Variants in SCFD2 observed in about 807,000 individuals in gnomAD.
The protein encoded by SCFD2 is sec1 family domain containing 2, also known as sec1 family domain-containing protein 2.
SCFD2 carries 54 observed loss-of-function variants against 58.9 expected under a neutral mutation model. The ratio of observed to expected loss-of-function variants is 0.92; its 90% confidence interval spans 0.74 to 1.15. The LOEUF (loss-of-function observed/expected upper bound fraction) is 1.15. Among genes scored for constraint, SCFD2 ranks in the 50% most tolerant of loss-of-function variants. The pLI is 0.00. For missense variants in SCFD2, 805 were observed against 836.6 expected, an observed-to-expected ratio of 0.96 and a Z score of 0.47; for synonymous variants, 321 against 335.9, an observed-to-expected ratio of 0.96 and a Z score of 0.49.
chr4:53,096,165 C>T (rs546510201), intron 5 of SCFD2, among the ~76,000 whole-genome samples: 3 of 152,230 alleles, frequency 2.0e-5, no homozygotes, highest in South Asian at 2.1e-4. Context: ...GTGAACAGTG[C>T]CTCAAAAAAC....
Position 53,219,664 on chromosome 4 carries a change from C to G in SCFD2, c.1311+54162G>C, listed in dbSNP as rs1215339034. Among the ~76,000 whole-genome samples the G allele has an allele frequency of 2.0e-5, 3 of 152,196 alleles. No individual in the cohort carries two copies. In the East Asian group the frequency reaches 5.8e-4, roughly 29 times the overall value. Reference sequence around the variant, plus strand: ...TGTCCTGCCCCCACTGTCGGACAAGCCCCAGTGAGATGAACCTAGTACCTC... The same window carrying G: ...TGTCCTGCCCCCACTGTCGGACAAGGCCCAGTGAGATGAACCTAGTACCTC... On this transcript the variant is annotated intron_variant, in intron 4 of 8. Coordinates refer to ENST00000401642, the MANE Select transcript of SCFD2 (RefSeq NM_152540.4).
chr4:53,229,408 G>C (rs1219062828), intron 4 of SCFD2, among the ~76,000 whole-genome samples: 2 of 152,202 alleles, frequency 1.3e-5, no homozygotes, highest in Admixed American at 6.5e-5. Flanking sequence ...GCATGGTACT[G>C]TTACCAAAAC....
At chr4:53,207,508 ATATAT>A (rs1728449947) in intron 4 of SCFD2, among the ~76,000 whole-genome samples, 1 of 12,120 alleles carries the variant, frequency 8.3e-5, no homozygotes, top group Non-Finnish European at 1.3e-4. Flanking sequence ...TATATATATT[ATATAT>A]ATTATATATA....
intron 5 of SCFD2, among the ~76,000 whole-genome samples, chr4:53,139,403 CTGCCGGCCGTCATCCTGTCT>C (rs1726049184): frequency 1.7e-5 from 2 of 114,460 alleles, no homozygotes; most frequent in Non-Finnish European, 4.4e-5. Flanking sequence ...CTCTTCCCGG[CTGCCGGCCGTCATCCTGTCT>C]AGGAAGTGAG....
chr4:53,094,110 C>G (rs1352074770), intron 5 of SCFD2, among the ~76,000 whole-genome samples: 2 of 152,002 alleles, frequency 1.3e-5, no homozygotes, highest in Non-Finnish European at 2.9e-5. Flanking sequence ...GTCACATAAC[C>G]TTTTGAGCCT....
At chr4:53,210,709 T>C (rs1728582474) in intron 4 of SCFD2, among the ~76,000 whole-genome samples, 1 of 152,110 alleles carries the variant, frequency 6.6e-6, no homozygotes, top group Non-Finnish European at 1.5e-5. Flanking sequence ...TTATGACAGA[T>C]ATTGATTTTT....
At chr4:53,117,938 A>C (rs1241811948) in intron 5 of SCFD2, among the ~76,000 whole-genome samples, 1 of 152,186 alleles carries the variant, frequency 6.6e-6, no homozygotes, top group Admixed American at 6.5e-5. Context: ...CGGTCTTTTC[A>C]TGGAAAAATC....
At chr4:52,956,090 A>G in intron 5 of SCFD2, 1 of 456,424 alleles carries the variant, frequency 2.2e-6, no homozygotes, top group South Asian at 1.6e-5. Flanking sequence ...GAGGTCTCTG[A>G]GATGCAACAC....
At chr4:52,983,436 A>G (rs1220140024) in intron 5 of SCFD2, among the ~76,000 whole-genome samples, 1 of 152,220 alleles carries the variant, frequency 6.6e-6, no homozygotes, top group African/African-American at 2.4e-5. Flanking sequence ...GTATGCACAA[A>G]TGTTCAAAGG....
At chr4:53,024,260 A>G (rs1289547198) in intron 5 of SCFD2, among the ~76,000 whole-genome samples, 1 of 152,192 alleles carries the variant, frequency 6.6e-6, no homozygotes, top group Admixed American at 6.5e-5. Context: ...AAATCCAAAG[A>G]AGTGGTGGCT....
chr4:52,950,389 T>C (rs1720557101), intron 5 of SCFD2: 1 of 152,214 alleles, frequency 6.6e-6, no homozygotes, highest in Admixed American at 6.5e-5. Context: ...TAAGTAAATG[T>C]TCTACATTCC....
intron 5 of SCFD2, among the ~76,000 whole-genome samples, chr4:53,115,479 T>TAATG (rs1420937821): frequency 6.6e-6 from 1 of 152,104 alleles, no homozygotes; most frequent in Non-Finnish European, 1.5e-5. Flanking sequence ...AAGGCAGAAT[T>TAATG]AATGAATGTC....
chr4:53,256,490 G>C (rs1397461859), intron 4 of SCFD2, among the ~76,000 whole-genome samples: 1 of 152,166 alleles, frequency 6.6e-6, no homozygotes, highest in Non-Finnish European at 1.5e-5. Context: ...CGGCCGGGCA[G>C]AGGCTGCAAT....
intron 4 of SCFD2, among the ~76,000 whole-genome samples, chr4:53,214,022 G>A (rs1465440212): frequency 2.6e-5 from 4 of 152,042 alleles, no homozygotes; most frequent in African/African-American, 4.8e-5. Context: ...CCCATGGTGT[G>A]TATGTGCCAC....
At chr4:52,898,426 C>G (rs1175258852) in intron 7 of SCFD2, among the ~76,000 whole-genome samples, 2 of 152,164 alleles carry the variant, frequency 1.3e-5, no homozygotes, top group Non-Finnish European at 2.9e-5. Flanking sequence ...TAGTTATTCA[C>G]CAGCAGGTTG....
intron 5 of SCFD2, among the ~76,000 whole-genome samples, chr4:53,004,606 T>C (rs531168832): frequency 9.9e-5 from 15 of 152,172 alleles, no homozygotes; most frequent in Admixed American, 9.8e-4. Context: ...AAGTAGTAAG[T>C]GGTAGAGTTA....
At chr4:52,901,141 C>T (rs1015608441) in intron 7 of SCFD2, among the ~76,000 whole-genome samples, 9 of 152,226 alleles carry the variant, frequency 5.9e-5, no homozygotes, top group Admixed American at 2.0e-4. Flanking sequence ...GTGCACTGCA[C>T]CCAGTGTCCT....
At chr4:53,313,855 G>A in intron 2 of SCFD2, 92 bp from the exon 3 acceptor site, 3 of 1,217,926 alleles carry the variant, frequency 2.5e-6, no homozygotes, top group South Asian at 2.7e-5. Context: ...ATATATTTTT[G>A]AGCATTAATG....
At chr4:53,315,564 C>A (rs1302720136) in intron 2 of SCFD2, among the ~76,000 whole-genome samples, 1 of 152,150 alleles carries the variant, frequency 6.6e-6, no homozygotes, top group Admixed American at 6.5e-5. Context: ...CAGTCTTTAT[C>A]ATAATTCAAA....
Sources: gnomAD v4.1 joint callset for allele counts (sites outside exome capture counted in the v4.1 genomes callset) on GRCh38, gnomAD v4.1.1 for gene constraint, MANE v1.5 for transcripts, NCBI Gene and HGNC (gene_info 2026-07-23, HGNC 2026-07-21) for gene names.